The following LHFPL3 variants were observed in gnomAD, a reference collection of about 807,000 sequenced individuals.
LHFPL3 encodes the protein LHFPL tetraspan subfamily member 3.
A neutral mutation model predicts 19.3 loss-of-function variants in LHFPL3; 5 were observed. The observed-to-expected ratio is 0.26, with a 90% CI of 0.14 to 0.54. The LOEUF is 0.54. Among genes scored for constraint, LHFPL3 ranks in the 20% least tolerant of loss-of-function variants. The pLI is 0.94. For missense variants in LHFPL3, 249 were observed against 307.4 expected (o/e 0.81, Z 1.42); for synonymous variants, 133 against 126.2 (o/e 1.05, Z -0.36).
In LHFPL3 at chr7:104,908,311, C is replaced by T. The variant is rs1412373353; in HGVS notation, c.*2096C>T. Among the ~76,000 whole-genome samples, 3 of 151,736 alleles carry T rather than the reference C, an allele frequency of 2.0e-5. No homozygotes were observed. The highest frequency in any genetic ancestry group is 4.8e-5 in the African/African-American group (2 of 41,274). On this transcript the variant is annotated 3_prime_UTR_variant, in exon 3 of 3. Transcript: ENST00000424859. ...CAGTGCTCTGAAGATGGGTCATTGACGATGTACCATTTGTATATAGGTAAT... is the reference window on the plus strand; with the variant it reads ...CAGTGCTCTGAAGATGGGTCATTGATGATGTACCATTTGTATATAGGTAAT...
intron 1 of LHFPL3, among the ~76,000 whole-genome samples, chr7:104,696,335 C>T (rs10953443): frequency 1.3e-5 from 2 of 152,160 alleles, no homozygotes; most frequent in African/African-American, 2.4e-5. Flanking sequence ...TAAGAATATA[C>T]GCACTGCAAA....
intron 1 of LHFPL3, among the ~76,000 whole-genome samples, chr7:104,684,978 A>ACGAATTGATTAT (rs1259295972): frequency 6.6e-6 from 1 of 152,252 alleles, no homozygotes; most frequent in Admixed American, 6.5e-5. Flanking sequence ...AAAACAAAAT[A>ACGAATTGATTAT]CGAATTGATT....
intron 1 of LHFPL3, among the ~76,000 whole-genome samples, chr7:104,626,552 A>C (rs1302431195): frequency 1.3e-5 from 2 of 152,126 alleles, no homozygotes; most frequent in Non-Finnish European, 2.9e-5. Flanking sequence ...TGAGGACACA[A>C]AGGGATTTTA....
intron 1 of LHFPL3, among the ~76,000 whole-genome samples, chr7:104,675,309 G>C (rs1255561518): frequency 6.6e-6 from 1 of 152,208 alleles, no homozygotes; most frequent in East Asian, 1.9e-4. Context: ...AGAGAGGCTG[G>C]AGCAGAGTGG....
intron 1 of LHFPL3, among the ~76,000 whole-genome samples, chr7:104,729,782 C>T (rs1793659504): frequency 6.6e-6 from 1 of 152,040 alleles, no homozygotes; most frequent in African/African-American, 2.4e-5. Context: ...TTCTAGGGTA[C>T]ATGTGCACAA....
At chr7:104,535,007 G>A (rs927732831) in intron 1 of LHFPL3, among the ~76,000 whole-genome samples, 1 of 152,188 alleles carries the variant, frequency 6.6e-6, no homozygotes, top group Non-Finnish European at 1.5e-5. Context: ...GGGGAGAGGA[G>A]GAAAGAGTGG....
intron 1 of LHFPL3, among the ~76,000 whole-genome samples, chr7:104,470,322 A>G (rs6949811): frequency 0.44 from 66,559 of 152,066 alleles, 15,210 homozygotes; most frequent in African/African-American, 0.54. Flanking sequence ...TCACAGGCAG[A>G]GGCTAATCCA....
intron 2 of LHFPL3, among the ~76,000 whole-genome samples, chr7:104,889,003 A>T (rs1792197422): frequency 6.6e-6 from 1 of 152,196 alleles, no homozygotes. Context: ...CTGACCAAAG[A>T]CAGAAAGAGA....
chr7:104,400,497 A>G (rs955738267), intron 1 of LHFPL3, among the ~76,000 whole-genome samples: 1 of 152,200 alleles, frequency 6.6e-6, no homozygotes, highest in African/African-American at 2.4e-5. Context: ...TAAAAATTAA[A>G]AATAAAAAGT....
At chr7:104,591,971 C>T (rs1790734634) in intron 1 of LHFPL3, among the ~76,000 whole-genome samples, 2 of 152,150 alleles carry the variant, frequency 1.3e-5, no homozygotes, top group African/African-American at 2.4e-5. Flanking sequence ...TCCATCAGGT[C>T]ATTTAAGGTC....
chr7:104,863,127 T>G (rs1002478302), intron 2 of LHFPL3, among the ~76,000 whole-genome samples: 3 of 152,158 alleles, frequency 2.0e-5, no homozygotes, highest in African/African-American at 7.2e-5. Flanking sequence ...AAAAAGATAA[T>G]AAAAATAGCA....
chr7:104,510,201 C>T (rs945011406), intron 1 of LHFPL3, among the ~76,000 whole-genome samples: 6 of 152,048 alleles, frequency 3.9e-5, no homozygotes, highest in Non-Finnish European at 8.8e-5. Context: ...AAAATCTCAG[C>T]AAGACTTTCT....
intron 1 of LHFPL3, among the ~76,000 whole-genome samples, chr7:104,382,458 C>G (rs1790846483): frequency 6.6e-6 from 1 of 152,174 alleles, no homozygotes; most frequent in African/African-American, 2.4e-5. Flanking sequence ...GATACATGCT[C>G]AAGTTGGAAA....
chr7:104,452,491 T>G (rs1792459862), intron 1 of LHFPL3, among the ~76,000 whole-genome samples: 1 of 152,196 alleles, frequency 6.6e-6, no homozygotes, highest in South Asian at 2.1e-4. Context: ...TTTTATATTT[T>G]TTATTGCTAA....
intron 1 of LHFPL3, among the ~76,000 whole-genome samples, chr7:104,431,910 G>GCC (rs1792010377): frequency 6.6e-6 from 1 of 152,160 alleles, no homozygotes; most frequent in Non-Finnish European, 1.5e-5. Context: ...CTGGAGGTTT[G>GCC]ACTGGGAGAG....
rs10269954 is a variant in LHFPL3, at chr7:104,570,208, C to G, written c.446-166467C>G. The stretch of plus-strand genomic sequence containing the variant: ...GTCTATATTGATTGATTGATTGAAG[C>G]CTTCCTATTTCCATCTTTTGCCTGC... On this transcript the variant is annotated intron_variant, in intron 1 of 2. Transcript: ENST00000424859. Among the ~76,000 whole-genome samples the G allele has an allele frequency of 1.6e-3, 238 of 152,280 alleles. 1 individual carries two copies. Among genetic ancestry groups the G allele is most frequent in the African/African-American group, 5.5e-3 (229 of 41,560 alleles).
At chr7:104,582,696 T>A (rs1439023554) in intron 1 of LHFPL3, among the ~76,000 whole-genome samples, 1 of 152,056 alleles carries the variant, frequency 6.6e-6, no homozygotes, top group Non-Finnish European at 1.5e-5. Flanking sequence ...TCCATTGAGA[T>A]TATCATGTGA....
intron 1 of LHFPL3, among the ~76,000 whole-genome samples, chr7:104,403,725 TTCTC>T (rs71786184): frequency 0.32 from 45,186 of 143,332 alleles, 7,011 homozygotes; most frequent in Admixed American, 0.43. Flanking sequence ...TTAGTGAACA[TTCTC>T]TCTCTCTCTC....
intron 1 of LHFPL3, among the ~76,000 whole-genome samples, chr7:104,559,494 T>C (rs1301290667): frequency 2.0e-5 from 3 of 149,998 alleles, no homozygotes; most frequent in Non-Finnish European, 4.4e-5. Context: ...CTGTTGTTGG[T>C]GTATAAGAAT....
Sources: gnomAD v4.1 joint callset for allele counts (sites outside exome capture counted in the v4.1 genomes callset) on GRCh38, gnomAD v4.1.1 for gene constraint, MANE v1.5 for transcripts, NCBI Gene and HGNC (gene_info 2026-07-23, HGNC 2026-07-21) for gene names.